The following SARNP variants were observed in gnomAD, a reference collection of about 807,000 sequenced individuals.
The protein encoded by SARNP is SAP domain containing ribonucleoprotein, also known as SAP domain-containing ribonucleoprotein.
A neutral mutation model predicts 38.1 loss-of-function variants in SARNP; 5 were observed. The observed-to-expected ratio is 0.13, with a 90% confidence interval of 0.07 to 0.28. The LOEUF (loss-of-function observed/expected upper bound fraction) is 0.28, where lower values mean the gene tolerates loss of function less well. Among genes scored for constraint, SARNP ranks in the 10% least tolerant of loss-of-function variants. SARNP has a pLI of 1.00. For synonymous variants in SARNP, 84 were observed against 80.6 expected, an observed-to-expected ratio of 1.04 and a Z score of -0.23; for missense variants, 180 against 243.9, an observed-to-expected ratio of 0.74 and a Z score of 1.75.
At chr12:55,798,282 G>A (rs1879876800) in intron 4 of SARNP, among the ~76,000 whole-genome samples, 1 of 152,136 alleles carries the variant, frequency 6.6e-6, no homozygotes, top group African/African-American at 2.4e-5. Context: ...GGATCGCTTT[G>A]AGCTCAAGAG....
At chr12:55,808,061 T>A (rs1483174449) in intron 1 of SARNP, among the ~76,000 whole-genome samples, 1 of 152,226 alleles carries the variant, frequency 6.6e-6, no homozygotes, top group Non-Finnish European at 1.5e-5. Context: ...TCATTTGTAG[T>A]GAGGCGTGAG....
At chr12:55,783,274 G>C (rs1879392254) in intron 9 of SARNP, among the ~76,000 whole-genome samples, 2 of 150,862 alleles carry the variant, frequency 1.3e-5, no homozygotes, top group Non-Finnish European at 2.9e-5. Context: ...GAGCAAACCA[G>C]GTAGATGTTA....
intron 4 of SARNP, among the ~76,000 whole-genome samples, chr12:55,799,559 C>CTTT (rs10529763): frequency 2.7e-5 from 3 of 112,246 alleles, no homozygotes; most frequent in African/African-American, 3.5e-5. Flanking sequence ...GAGTGTCACA[C>CTTT]TTTTTTTTTT....
At chr12:55,807,063 C>T (rs1453732865) in intron 1 of SARNP, among the ~76,000 whole-genome samples, 1 of 152,196 alleles carries the variant, frequency 6.6e-6, no homozygotes, top group Non-Finnish European at 1.5e-5. Flanking sequence ...GCTGGGACTA[C>T]AGGTACACAC....
Position 55,800,476 on chromosome 12 carries a change from G to C in SARNP, c.251+86C>G. The C allele has an allele frequency of 3.1e-6, 3 of 977,792 alleles. No homozygotes were observed. The South Asian group carries it at 4.8e-5, about 16-fold the overall frequency. The allele number at this position is 977,792 out of a possible 1,614,324, so 60.6% of individuals were successfully genotyped here. A position where few individuals can be genotyped will look rare whatever the true frequency, so the allele number is the denominator to read the frequency against. On this transcript the variant is annotated intron_variant, in intron 4 of 10. Transcript: ENST00000336133. ...GAAAGGAAAAGGCCAATGGGAACATGTAAGAGGTAAACAAAGTTAAACATT... is the reference window on the plus strand; with the variant it reads ...GAAAGGAAAAGGCCAATGGGAACATCTAAGAGGTAAACAAAGTTAAACATT...
chr12:55,806,687 A>T (rs1223431632), intron 1 of SARNP, among the ~76,000 whole-genome samples: 1 of 152,050 alleles, frequency 6.6e-6, no homozygotes, highest in African/African-American at 2.4e-5. Flanking sequence ...CTACAGGCGC[A>T]TGCCACCATG....
chr12:55,810,834 T>C (rs1426158754), intron 1 of SARNP, among the ~76,000 whole-genome samples: 1 of 151,296 alleles, frequency 6.6e-6, no homozygotes, highest in Non-Finnish European at 1.5e-5. Flanking sequence ...CCCAACACTT[T>C]GGGAGTCCGA....
intron 1 of SARNP, among the ~76,000 whole-genome samples, chr12:55,809,197 C>T (rs1592583175): frequency 6.6e-6 from 1 of 151,752 alleles, no homozygotes; most frequent in Admixed American, 6.6e-5. Flanking sequence ...CAAAGGGAGA[C>T]CCTATCTCAA....
chr12:55,774,879 AT>A (rs1555172031), intron 9 of SARNP, among the ~76,000 whole-genome samples: 1 of 127,578 alleles, frequency 7.8e-6, no homozygotes, highest in Admixed American at 8.4e-5. Flanking sequence ...ACACATTTCT[AT>A]TTGTTTTTTT....
At chr12:55,776,567 G>GT (rs1879188475) in intron 9 of SARNP, among the ~76,000 whole-genome samples, 1 of 151,946 alleles carries the variant, frequency 6.6e-6, no homozygotes, top group African/African-American at 2.4e-5. Context: ...TTTTATTGTT[G>GT]TATTTTTCCC....
intron 9 of SARNP, among the ~76,000 whole-genome samples, chr12:55,780,976 G>A (rs1879324998): frequency 6.6e-6 from 1 of 152,196 alleles, no homozygotes; most frequent in South Asian, 2.1e-4. Context: ...AGATAAGGGA[G>A]GACTGCTGTA....
chr12:55,795,943 T>C (rs1879807044), intron 5 of SARNP, 82 bp downstream of exon 5: 1 of 984,266 alleles, frequency 1.0e-6, no homozygotes. Flanking sequence ...TGAATAAATT[T>C]TAGAGGATGA....
intron 9 of SARNP, among the ~76,000 whole-genome samples, chr12:55,771,030 C>G (rs919808292): frequency 5.3e-5 from 8 of 151,700 alleles, no homozygotes; most frequent in African/African-American, 1.9e-4. Context: ...CTCTCCTTCC[C>G]GGGTTCAAGT....
rs759002602 is a variant in SARNP at position 55,817,687 on chromosome 12, C to T, written c.15G>A (p.Thr5=). The change falls in exon 1 of 11, where the codon ACG becomes ACA. Residue 5 remains threonine, a synonymous_variant. Transcript: ENST00000336133. MATE[T]VELHKLKLAE... is the part of the protein sequence containing the mutation. Reference sequence around the variant, plus strand: ...GTACCTTTAGCTTATGGAGCTCCACCGTCTCGGTCGCCATCTTGTTACCCC... The same window carrying T: ...GTACCTTTAGCTTATGGAGCTCCACTGTCTCGGTCGCCATCTTGTTACCCC... 8 of 1,613,118 alleles carry T rather than the reference C, an allele frequency of 5.0e-6. No homozygotes were observed. Among genetic ancestry groups the T allele is most frequent in the Non-Finnish European group, 5.9e-6 (7 of 1,179,626 alleles).
At chr12:55,778,119 G>C (rs1054470229) in intron 9 of SARNP, among the ~76,000 whole-genome samples, 8 of 152,086 alleles carry the variant, frequency 5.3e-5, no homozygotes, top group African/African-American at 1.9e-4. Flanking sequence ...TGAGGTCAGA[G>C]AGTTTCCCCC....
rs533505196 is a variant in SARNP at position 55,811,452 on chromosome 12, C to G, written c.36+6214G>C. Among the ~76,000 whole-genome samples the G allele has an allele frequency of 3.9e-3, 589 of 152,190 alleles. 3 individuals carry two copies. Among genetic ancestry groups the G allele is most frequent in the Non-Finnish European group, 5.8e-3 (392 of 68,016 alleles). On this transcript the variant is annotated intron_variant, in intron 1 of 10. Transcript: ENST00000336133. ...GTGGTGGTGTGCCCCTGTAGTCCCA[C>G]CTACTGGGTGGGAGCAGGGGCTGAG...
intron 9 of SARNP, among the ~76,000 whole-genome samples, chr12:55,787,868 C>A (rs1879550769): frequency 6.6e-6 from 1 of 152,096 alleles, no homozygotes; most frequent in Non-Finnish European, 1.5e-5. Flanking sequence ...CCTGCCTCAG[C>A]CTCCTGAGTA....
At chr12:55,808,998 G>A (rs1420301561) in intron 1 of SARNP, among the ~76,000 whole-genome samples, 5 of 152,092 alleles carry the variant, frequency 3.3e-5, no homozygotes, top group Non-Finnish European at 5.9e-5. Flanking sequence ...CTTGAGTCCA[G>A]GAGTTCGAGA....
chr12:55,774,546 C>A, intron 9 of SARNP, among the ~76,000 whole-genome samples: 1 of 120,626 alleles, frequency 8.3e-6, no homozygotes, highest in African/African-American at 3.6e-5. Flanking sequence ...CACGGTGAAA[C>A]CCCGTCTCTA....
Sources: allele counts gnomAD v4.1 joint callset (sites outside exome capture counted in the v4.1 genomes callset), GRCh38; gene constraint gnomAD v4.1.1; transcripts MANE v1.5; gene names NCBI Gene and HGNC (gene_info 2026-07-23, HGNC 2026-07-21).